The following CSTPP1 variants were observed in gnomAD, a reference collection of about 807,000 sequenced individuals.
The protein encoded by CSTPP1 is centriolar satellite-associated tubulin polyglutamylase complex regulator 1, also known as UPF0705 protein C11orf49.
At chr11:47,139,001 A>C in the CSTPP1 span, among the ~76,000 whole-genome samples, 1 of 150,218 alleles carries the variant, frequency 6.7e-6, no homozygotes, top group African/African-American at 2.4e-5. Flanking sequence ...AAAAAAAAAA[A>C]AAAAAAAAAA....
chr11:46,948,642 C>G, the CSTPP1 span, among the ~76,000 whole-genome samples: 2 of 152,110 alleles, frequency 1.3e-5, no homozygotes, highest in South Asian at 4.2e-4. Flanking sequence ...TTTATTGGCC[C>G]TGCTGCTTTG....
chr11:47,108,388 A>T, the CSTPP1 span, among the ~76,000 whole-genome samples: 2 of 152,196 alleles, frequency 1.3e-5, no homozygotes, highest in African/African-American at 4.8e-5. Flanking sequence ...TGAGACTAAG[A>T]TATATATACA....
At chr11:46,936,957 T>C in the CSTPP1 span, 1 of 1,224,278 alleles carries the variant, frequency 8.2e-7, no homozygotes, top group South Asian at 2.3e-5. Context: ...GTCCGGGTGG[T>C]ATGGGGAGGG....
chr11:47,120,260 G>A, the CSTPP1 span, among the ~76,000 whole-genome samples: 1 of 152,066 alleles, frequency 6.6e-6, no homozygotes, highest in Non-Finnish European at 1.5e-5. This position sits in a 1 kb window ranked among gnomAD's most constrained non-coding sequence, Gnocchi z 4.2. Flanking sequence ...TTCATTGAAC[G>A]TTTTTTTAAC....
the CSTPP1 span, among the ~76,000 whole-genome samples, chr11:46,939,082 C>CTTTTTTTTT: frequency 3.5e-5 from 3 of 84,766 alleles, no homozygotes; most frequent in Non-Finnish European, 4.6e-5. Flanking sequence ...TGGCTTACAT[C>CTTTTTTTTT]TTTTTTTTTT....
At chr11:47,075,788 G>T in the CSTPP1 span, among the ~76,000 whole-genome samples, 1 of 151,914 alleles carries the variant, frequency 6.6e-6, no homozygotes, top group Non-Finnish European at 1.5e-5. Flanking sequence ...CATGATGGCA[G>T]GTGCCTGTAA....
the CSTPP1 span, among the ~76,000 whole-genome samples, chr11:46,973,466 C>T: frequency 6.6e-6 from 1 of 152,170 alleles, no homozygotes; most frequent in African/African-American, 2.4e-5. Flanking sequence ...AGGCAGTCCA[C>T]AGCTGGTAGA....
the CSTPP1 span, among the ~76,000 whole-genome samples, chr11:47,108,209 T>C: frequency 6.6e-6 from 1 of 152,226 alleles, no homozygotes; most frequent in Non-Finnish European, 1.5e-5. Flanking sequence ...CAGGGTCATA[T>C]ATCTGAGGTT....
At chr11:47,073,926 A>G in the CSTPP1 span, among the ~76,000 whole-genome samples, 1 of 152,226 alleles carries the variant, frequency 6.6e-6, no homozygotes, top group Admixed American at 6.5e-5. Context: ...ATTTCAGTAC[A>G]TATGCTGTGT....
chr11:46,938,814 G>T, the CSTPP1 span, among the ~76,000 whole-genome samples: 1 of 121,014 alleles, frequency 8.3e-6, no homozygotes, highest in South Asian at 2.5e-4. Context: ...GTCTGGCACT[G>T]TCACTCAGGC....
chr11:47,060,514 G>A, the CSTPP1 span, among the ~76,000 whole-genome samples: 2 of 151,888 alleles, frequency 1.3e-5, no homozygotes, highest in Non-Finnish European at 1.5e-5. Context: ...CTGATTACAG[G>A]TGTGAGCCAC....
the CSTPP1 span, among the ~76,000 whole-genome samples, chr11:46,940,537 AATCT>A: frequency 2.0e-5 from 3 of 152,234 alleles, no homozygotes; most frequent in South Asian, 4.1e-4. Flanking sequence ...GATTTTTTTC[AATCT>A]AAGTGACAGA....
the CSTPP1 span, among the ~76,000 whole-genome samples, chr11:46,978,502 A>G: frequency 6.6e-6 from 1 of 152,260 alleles, no homozygotes; most frequent in African/African-American, 2.4e-5. Context: ...CCATTAATTT[A>G]GATGATATGT....
the CSTPP1 span, among the ~76,000 whole-genome samples, chr11:46,954,747 A>G: frequency 6.6e-5 from 10 of 151,832 alleles, no homozygotes; most frequent in Non-Finnish European, 1.3e-4. Context: ...GCAGTACCCT[A>G]CACCATAACC....
chr11:47,156,968 C>G, the CSTPP1 span: 2 of 1,578,258 alleles, frequency 1.3e-6, no homozygotes, highest in Non-Finnish European at 1.7e-6. Flanking sequence ...ACAGACAAAA[C>G]ATGTCCTCCC....
the CSTPP1 span, among the ~76,000 whole-genome samples, chr11:47,032,077 T>A: frequency 6.6e-6 from 1 of 152,126 alleles, no homozygotes; most frequent in South Asian, 2.1e-4. Flanking sequence ...GGTCTGCCTT[T>A]CCCAGCCCAC....
the CSTPP1 span, among the ~76,000 whole-genome samples, chr11:46,969,608 C>A: frequency 6.6e-6 from 1 of 151,960 alleles, no homozygotes; most frequent in Non-Finnish European, 1.5e-5. Flanking sequence ...GAAACTGGAA[C>A]TAAAGAAAAC....
the CSTPP1 span, among the ~76,000 whole-genome samples, chr11:47,158,588 G>A: frequency 1.3e-5 from 2 of 152,066 alleles, no homozygotes; most frequent in Non-Finnish European, 2.9e-5. Flanking sequence ...CCAGGCTGGA[G>A]TGCTGTGTAC....
At chr11:46,999,963 A>G in the CSTPP1 span, among the ~76,000 whole-genome samples, 1 of 152,182 alleles carries the variant, frequency 6.6e-6, no homozygotes, top group Non-Finnish European at 1.5e-5. Context: ...AAGTGGCTGA[A>G]CAGTACTTTG....
Sources: gnomAD v4.1 joint callset for allele counts (sites outside exome capture counted in the v4.1 genomes callset) on GRCh38, gnomAD v4.1.1 for gene constraint, Gnocchi (gnomAD v3.1) non-coding constraint, MANE v1.5 for transcripts, NCBI Gene and HGNC (gene_info 2026-07-23, HGNC 2026-07-21) for gene names.